Variants in COL9A3 observed in about 807,000 individuals in gnomAD.
COL9A3 encodes the protein collagen type IX alpha 3 chain, also known as collagen alpha-3(IX) chain.
COL9A3 carries 82 observed loss-of-function variants against 110.2 expected under a neutral mutation model. The observed-to-expected ratio is 0.74, with a 90% CI of 0.62 to 0.89. The LOEUF (loss-of-function observed/expected upper bound fraction) is 0.89. Ranked by LOEUF, COL9A3 falls within the 40% of genes least tolerant of loss-of-function variation. The pLI is 0.00. For missense variants in COL9A3, 1,066 were observed against 981.3 expected, an observed-to-expected ratio of 1.09 and a Z score of -1.15; for synonymous variants, 494 against 403.8, an observed-to-expected ratio of 1.22 and a Z score of -2.68.
At chr20:62,839,534 G>A (rs1223898108) in intron 31 of COL9A3, among the ~76,000 whole-genome samples, 2 of 152,196 alleles carry the variant, frequency 1.3e-5, no homozygotes, top group Admixed American at 6.5e-5. Flanking sequence ...GTGTCCAGAT[G>A]AGAAGGATCC....
Position 62,819,951 on chromosome 20 carries a change from C to T in COL9A3, c.278C>T (p.Pro93Leu), listed in dbSNP as rs370901644. Residue 93 changes from proline (P) to leucine (L), a missense_variant, in exon 5 of 32, where the codon CCC (proline) becomes CTC (leucine). Physicochemically the swap from Pro to Leu is moderately conservative, Grantham distance 98. Transcript: ENST00000649368. ...GVDGLTGRDG[P>L]PGPKGAPGER... ...CAGGGTCTGACTGGACGAGATGGAC[C>T]CCCTGGACCCAAGGGTGCCCCTGGG... 18 of 1,612,788 alleles carry T rather than the reference C, an allele frequency of 1.1e-5. No individual in the cohort carries two copies. In the African/African-American group the frequency reaches 2.3e-4, roughly 20 times the overall value.
intron 4 of COL9A3, 58 bp from the exon 5 acceptor site, chr20:62,819,870 TG>T (rs1209379780): frequency 3.1e-6 from 5 of 1,601,130 alleles, no homozygotes; most frequent in Non-Finnish European, 4.3e-6. Flanking sequence ...CATTTTTGCC[TG>T]GGGGGTGGCA....
chr20:62,841,053 A>T lies in COL9A3; in HGVS notation c.*321A>T. ...TTGTTTACATAGCATTTGTGTAAAGACTATGATCTCATCCCAATAAAATGA... is the reference window on the plus strand; with the variant it reads ...TTGTTTACATAGCATTTGTGTAAAGTCTATGATCTCATCCCAATAAAATGA... On this transcript the variant is annotated 3_prime_UTR_variant, in exon 32 of 32. Coordinates refer to ENST00000649368, the MANE Select transcript of COL9A3 (RefSeq NM_001853.4). The T allele has an allele frequency of 3.1e-6, 1 of 323,730 alleles. No individual in the cohort carries two copies. The highest frequency in any genetic ancestry group is 5.9e-6 in the Non-Finnish European group (1 of 170,360). 20.1% of individuals were successfully genotyped at this position (323,730 alleles called of 1,614,324 possible). A position where few individuals can be genotyped will look rare whatever the true frequency, so the allele number is the denominator to read the frequency against.
At chr20:62,827,735 G>A (rs1006939461) in intron 16 of COL9A3, among the ~76,000 whole-genome samples, 188 bp from the exon 17 acceptor site, 1 of 152,228 alleles carries the variant, frequency 6.6e-6, no homozygotes, top group Non-Finnish European at 1.5e-5. Context: ...CCGCCGTGCC[G>A]TCCTGCAGCA....
chr20:62,828,723 G>T, intron 17 of COL9A3, 41 bp from the exon 18 acceptor site: 1 of 1,609,416 alleles, frequency 6.2e-7, no homozygotes, highest in Non-Finnish European at 8.5e-7. Context: ...GGAGGGAGGG[G>T]GGCCACTGCC....
intron 1 of COL9A3, 115 bp from the exon 2 acceptor site, chr20:62,817,452 C>T: frequency 2.7e-6 from 2 of 752,308 alleles, no homozygotes; most frequent in Non-Finnish European, 4.4e-6. Flanking sequence ...TGGGTCTCAC[C>T]GAGGAGAGCG....
chr20:62,838,605 C>T, intron 30 of COL9A3, 79 bp from the exon 31 acceptor site: 1 of 1,300,830 alleles, frequency 7.7e-7, no homozygotes, highest in Non-Finnish European at 1.1e-6. Context: ...CTGTTTGTTA[C>T]AAAGGTTGAT....
At chr20:62,824,158 GTCCT>G (rs2063531524) in intron 10 of COL9A3, among the ~76,000 whole-genome samples, 1 of 136,058 alleles carries the variant, frequency 7.3e-6, no homozygotes, top group Non-Finnish European at 1.6e-5. Context: ...GCCTCCTGGG[GTCCT>G]GTCACCCAGA....
intron 3 of COL9A3, 33 bp from the exon 4 acceptor site, chr20:62,819,189 G>C: frequency 6.2e-7 from 1 of 1,604,536 alleles, no homozygotes; most frequent in South Asian, 1.1e-5. Context: ...GCCAGACCCC[G>C]CCTTCACATC....
rs1048100 is a variant in COL9A3 at position 62,840,721 on chromosome 20, C to A, written c.2044C>A (p.Arg682=). The A allele has an allele frequency of 0.089, 140,539 of 1,571,590 alleles. 9,005 individuals are homozygous for A. The highest frequency in any genetic ancestry group is 0.32 in the African/African-American group (23,597 of 74,192). Residue 682 remains arginine (R), a synonymous_variant, in exon 32 of 32, where the codon CGA becomes AGA. Transcript: ENST00000649368. ...LGGVGEKSGS[R]SS is the part of the protein sequence containing the mutation. ...AGGGGTCGGGGAGAAATCAGGCTCT[C>A]GAAGCTCATAAAATTCAACGTGAGG... is the stretch of plus-strand genomic sequence containing the variant.
chr20:62,816,803 G>A (rs987729362), upstream of COL9A3, among the ~76,000 whole-genome samples: 5 of 152,202 alleles, frequency 3.3e-5, no homozygotes, highest in Non-Finnish European at 5.9e-5. Flanking sequence ...AGCTGCGTGT[G>A]TGCAACGCGC....
At position 62,838,672 on chromosome 20, in the gene COL9A3, A is replaced by G. The variant is rs1180468238; in HGVS notation, c.1787-12A>G. ...ACTCTAACCATATGTCTGTGTCCAC[A>G]CCTCGTGACAGGAAACCAGGGTGAC... is the stretch of plus-strand genomic sequence containing the variant. On this transcript the variant is annotated splice_polypyrimidine_tract_variant and intron_variant, in intron 30 of 31. Transcript: ENST00000649368. 6.4e-6 allele frequency: 10 copies of G among 1,551,656 alleles called. No homozygotes were observed. The highest frequency in any genetic ancestry group is 8.7e-6 in the Non-Finnish European group (10 of 1,146,992).
At chr20:62,817,267 G>T in intron 1 of COL9A3, 125 bp downstream of exon 1, 1 of 705,970 alleles carries the variant, frequency 1.4e-6, no homozygotes, top group Non-Finnish European at 2.0e-6. Flanking sequence ...TCGGGGCGCG[G>T]AGTCGCCAGC....
In COL9A3 at chr20:62,841,142, A is replaced by G; in HGVS notation, c.*410A>G. ...ACAAAAAATAAAGAATTTAATGTACAGTAAATTCTCTCCCATACAAAGGTC... is the reference window on the plus strand; with the variant it reads ...ACAAAAAATAAAGAATTTAATGTACGGTAAATTCTCTCCCATACAAAGGTC... On this transcript the variant is annotated 3_prime_UTR_variant, in exon 32 of 32. Transcript: ENST00000649368. 1 of 215,312 alleles carries G rather than the reference A, an allele frequency of 4.6e-6. No homozygotes were observed. Among genetic ancestry groups the G allele is most frequent in the South Asian group, 6.4e-5 (1 of 15,570 alleles). The allele number at this position is 215,312 out of a possible 1,614,324, so 13.3% of individuals were successfully genotyped here.
Position 62,837,111 on chromosome 20 carries a change from A to C in COL9A3, c.1632A>C (p.Leu544=). Residue 544 remains leucine, a synonymous_variant, in exon 30 of 32, where the codon CTA becomes CTC. Coordinates refer to ENST00000649368, the MANE Select transcript of COL9A3 (RefSeq NM_001853.4). ...SEQIAQLAAH[L]RKPLAPGSIG... ...AAATTGCACAGTTAGCCGCGCACCT[A>C]AGGAAGCCTTTGGCACCCGGGTCCA... 4 of 1,613,500 alleles carry C rather than the reference A, an allele frequency of 2.5e-6. No homozygotes were observed. The South Asian group carries it at 3.3e-5, about 13-fold the overall frequency.
rs749870241 is a variant in COL9A3 at position 62,829,636 on chromosome 20, T to A, written c.1062T>A (p.Ala354=). 6.2e-7 allele frequency: 1 copy of A among 1,609,894 alleles called. No individual in the cohort carries two copies. Among genetic ancestry groups the A allele is most frequent in the Non-Finnish European group, 8.5e-7 (1 of 1,178,894 alleles). Residue 354 remains alanine (A), a synonymous_variant, in exon 21 of 32, where the codon GCT becomes GCA. Transcript: ENST00000649368. ...SKGEKGERGR[A]GELGEAGPSG... ...CTCTCCTTCCTCTACAGGGCAGAGC[T>A]GGGGAGCTGGGTGAGGCCGGCCCCT...
At chr20:62,821,053 T>C in intron 5 of COL9A3, 128 bp from the exon 6 acceptor site, 1 of 962,482 alleles carries the variant, frequency 1.0e-6, no homozygotes, top group Non-Finnish European at 1.6e-6. Context: ...GCCCTGCCCC[T>C]CTGTGAAGTG....
At chr20:62,839,601 TCTC>T (rs2063659086) in intron 31 of COL9A3, among the ~76,000 whole-genome samples, 1 of 151,340 alleles carries the variant, frequency 6.6e-6, no homozygotes, top group East Asian at 2.0e-4. Flanking sequence ...CCTGGAGCCT[TCTC>T]CTCTCCTCTC....
chr20:62,821,594 G>T, intron 7 of COL9A3, 64 bp downstream of exon 7: 1 of 1,609,464 alleles, frequency 6.2e-7, no homozygotes, highest in Non-Finnish European at 8.5e-7. Flanking sequence ...TGCCAGGCTG[G>T]GATGTCCCAA....
Sources: gnomAD v4.1 joint callset for allele counts (sites outside exome capture counted in the v4.1 genomes callset) on GRCh38, gnomAD v4.1.1 for gene constraint, MANE v1.5 for transcripts, NCBI Gene and HGNC (gene_info 2026-07-23, HGNC 2026-07-21) for gene names.